HERC1: variants seen among roughly 807,000 people sequenced by gnomAD.
The protein encoded by HERC1 is probable E3 ubiquitin-protein ligase HERC1.
In HERC1, 160 loss-of-function variants were observed where a neutral mutation model predicts 554.3. The observed-to-expected ratio is 0.29, with a 90% confidence interval of 0.25 to 0.33. The LOEUF is 0.33. Ranked by LOEUF, HERC1 falls within the 10% of genes least tolerant of loss-of-function variation. HERC1 has a pLI of 1.00. For missense variants in HERC1, 4,919 were observed against 5,918.5 expected, an observed-to-expected ratio of 0.83 and a Z score of 5.54; for synonymous variants, 2,175 against 2,131.7, an observed-to-expected ratio of 1.02 and a Z score of -0.56.
chr15:63,647,526 T>C (rs917763465), intron 55 of HERC1, among the ~76,000 whole-genome samples: 1 of 152,142 alleles, frequency 6.6e-6, no homozygotes, highest in Non-Finnish European at 1.5e-5. Context: ...AATAATTCAT[T>C]TTCTCAAAAA....
At chr15:63,617,599 G>A (rs1466011617) in intron 74 of HERC1, among the ~76,000 whole-genome samples, 1 of 152,168 alleles carries the variant, frequency 6.6e-6, no homozygotes, top group African/African-American at 2.4e-5. Context: ...CTTCCACAAT[G>A]GTTGAACTAG....
rs377137482 is a variant in HERC1 at position 63,624,277 on chromosome 15, T to G, written c.13326A>C (p.Gln4442His). The change falls in exon 72 of 78, where the codon CAA becomes CAC. Residue 4442 changes from glutamine (Q) to histidine (H), a missense_variant. By Grantham distance (24) the Gln-to-His change is conservative (BLOSUM62 0). Around this residue, in one of 11 missense-constraint regions of HERC1, gnomAD observed 410 missense variants for 467.0 expected, o/e 0.88. Coordinates refer to ENST00000443617, the MANE Select transcript of HERC1 (RefSeq NM_003922.4). ...CTCTTGGGGCTAACAAAGGCCGAAG[T>G]TGTCCCTGTACAATGCCCCAAGTTC... ...NAGTWGIVQG[Q>H]LRPLLAPRVY... 8 of 1,613,730 alleles carry G rather than the reference T, an allele frequency of 5.0e-6. No individual in the cohort carries two copies. The highest frequency in any genetic ancestry group is 6.8e-6 in the Non-Finnish European group (8 of 1,179,742).
chr15:63,678,668 T>C (rs936745658), intron 36 of HERC1, among the ~76,000 whole-genome samples: 1 of 152,202 alleles, frequency 6.6e-6, no homozygotes, highest in African/African-American at 2.4e-5. Context: ...TGACTCAATT[T>C]AGTCTAAAAT....
chr15:63,708,071 C>T (rs916877248), intron 24 of HERC1, among the ~76,000 whole-genome samples: 79 of 151,968 alleles, frequency 5.2e-4, no homozygotes, highest in African/African-American at 1.9e-3. Context: ...TACTCACCTA[C>T]CTATGTATCA....
intron 68 of HERC1, 95 bp from the exon 69 acceptor site, chr15:63,630,730 G>A: frequency 7.9e-7 from 1 of 1,261,998 alleles, no homozygotes; most frequent in Non-Finnish European, 1.1e-6. Context: ...TTATTATGGT[G>A]GAATGGCAAT....
intron 1 of HERC1, among the ~76,000 whole-genome samples, chr15:63,798,670 T>A (rs1420134113): frequency 6.6e-6 from 1 of 152,136 alleles, no homozygotes; most frequent in African/African-American, 2.4e-5. Context: ...CCCTAACAGA[T>A]AATGCACTCA....
At chr15:63,656,020 T>C in intron 49 of HERC1, 65 bp from the exon 50 acceptor site, 1 of 1,595,596 alleles carries the variant, frequency 6.3e-7, no homozygotes, top group Non-Finnish European at 8.6e-7. Context: ...AAATATTTCA[T>C]TTCAAAAGGC....
chr15:63,798,235 T>C (rs1034198522), intron 1 of HERC1, among the ~76,000 whole-genome samples: 1 of 152,198 alleles, frequency 6.6e-6, no homozygotes, highest in Non-Finnish European at 1.5e-5. Context: ...TTCTCCCCAG[T>C]TCTAGTGTAT....
intron 72 of HERC1, 105 bp downstream of exon 72, chr15:63,624,053 C>A: frequency 7.8e-7 from 1 of 1,279,884 alleles, no homozygotes; most frequent in Non-Finnish European, 1.1e-6. Flanking sequence ...CTATTACTAT[C>A]TACCCTGCCT....
chr15:63,723,639 G>C (rs532588652), intron 18 of HERC1, among the ~76,000 whole-genome samples: 1 of 152,260 alleles, frequency 6.6e-6, no homozygotes, highest in Non-Finnish European at 1.5e-5. Flanking sequence ...CAACTCTGGC[G>C]TTTTGGCAGG....
chr15:63,829,543 A>ATGTGTGTGTGTG (rs752906693), intron 1 of HERC1, among the ~76,000 whole-genome samples: 3 of 89,654 alleles, frequency 3.3e-5, no homozygotes, highest in Non-Finnish European at 4.3e-5. Context: ...ACATATATGT[A>ATGTGTGTGTGTG]TGTGTGTGTG....
intron 19 of HERC1, 107 bp downstream of exon 19, chr15:63,723,075 T>G (rs1390107650): frequency 6.3e-6 from 4 of 634,764 alleles, no homozygotes; most frequent in Non-Finnish European, 9.4e-6. Flanking sequence ...CTTTTTCTAT[T>G]AAAAAAAAGG....
chr15:63,807,399 C>T (rs1337450638), intron 1 of HERC1, among the ~76,000 whole-genome samples: 1 of 152,200 alleles, frequency 6.6e-6, no homozygotes, highest in African/African-American at 2.4e-5. Flanking sequence ...GCCATTTCCT[C>T]TAGGGCTACA....
Position 63,749,612 on chromosome 15 carries a change from G to A in HERC1, c.2047+35C>T, listed in dbSNP as rs1036667428. ...TGTAATATATTTACACAAGACAACA[G>A]TTAATACTATTTCCTTAAAAACAAA... On this transcript the variant is annotated intron_variant, in intron 9 of 77. Coordinates refer to ENST00000443617, the MANE Select transcript of HERC1 (RefSeq NM_003922.4). The surrounding 1 kb of genome is among the most constrained non-coding windows in gnomAD (Gnocchi z 4.1). The A allele has an allele frequency of 1.3e-6, 2 of 1,590,488 alleles. No individual in the cohort carries two copies. Among genetic ancestry groups the A allele is most frequent in the Non-Finnish European group, 1.7e-6 (2 of 1,167,686 alleles).
chr15:63,649,972 G>GA (rs2069583509), intron 53 of HERC1, 47 bp from the exon 54 acceptor site: 1 of 1,372,978 alleles, frequency 7.3e-7, no homozygotes, highest in African/African-American at 1.5e-5. Context: ...TTCTTAAAAA[G>GA]AAAAAAAGGA....
intron 39 of HERC1, among the ~76,000 whole-genome samples, chr15:63,670,219 A>AT (rs2070836408): frequency 2.0e-5 from 3 of 152,312 alleles, no homozygotes; most frequent in Middle Eastern, 6.8e-3. Flanking sequence ...ACAGTACATG[A>AT]ATGATATGTC....
intron 10 of HERC1, among the ~76,000 whole-genome samples, chr15:63,748,743 G>C (rs1461033978): frequency 6.6e-6 from 1 of 152,006 alleles, no homozygotes; most frequent in African/African-American, 2.4e-5. Flanking sequence ...TGAGTCAAAG[G>C]CATAGAATGC....
rs1167849902 is a variant in HERC1 at position 63,718,498 on chromosome 15, TC to T, written c.3978+75del. On this transcript the variant is annotated intron_variant, in intron 21 of 77. Transcript: ENST00000443617. This position sits in a 1 kb window ranked among gnomAD's most constrained non-coding sequence, Gnocchi z 4.2. ...ATGCAATAACCAAGGCACATTTTTT[TC>T]TCACATAAACCAATTTAGAGCTAGC... The T allele has an allele frequency of 7.0e-7, 1 of 1,418,550 alleles. No homozygotes were observed. Among genetic ancestry groups the T allele is most frequent in the Non-Finnish European group, 9.4e-7 (1 of 1,063,004 alleles). The allele number at this position is 1,418,550 out of a possible 1,614,324, so 87.9% of individuals were successfully genotyped here.
chr15:63,616,456 C>T lies in HERC1; in HGVS notation c.13915G>A (p.Gly4639Arg), dbSNP rs867741301. ...TCATGGAAACTCTCCTCGGTAATCC[C>T]ACTGTCTTCAATGTGAAGAATGCTG... ...LNSILHIEDSGITEESFHEMI... is the reference protein window; with the variant it reads ...LNSILHIEDSRITEESFHEMI... The change falls in exon 75 of 78, where the codon GGG (glycine) becomes AGG (arginine). Residue 4639 changes from glycine to arginine, a missense_variant. Physicochemically the swap from Gly to Arg is moderately radical, Grantham distance 125. This residue lies in a region of HERC1 where 284 missense variants were observed against 294.1 expected (regional missense o/e 0.97). Transcript: ENST00000443617. 2 of 1,613,724 alleles carry T rather than the reference C, an allele frequency of 1.2e-6. No homozygotes were observed. The highest frequency in any genetic ancestry group is 2.7e-5 in the African/African-American group (2 of 74,898).
Sources: allele counts gnomAD v4.1 joint callset (sites outside exome capture counted in the v4.1 genomes callset), GRCh38; gene constraint gnomAD v4.1.1; regional missense constraint gnomAD v4.1.1; non-coding constraint Gnocchi (gnomAD v3.1); transcripts MANE v1.5; gene names NCBI Gene and HGNC (gene_info 2026-07-23, HGNC 2026-07-21).